Variants in SLC35F2 observed in about 807,000 individuals in gnomAD.
The protein encoded by SLC35F2 is queuine/queuosine transporter SLC35F2.
In SLC35F2, 25 loss-of-function variants were observed where a neutral mutation model predicts 38.1. The observed-to-expected ratio is 0.66, with a 90% CI of 0.48 to 0.92. The LOEUF (loss-of-function observed/expected upper bound fraction) is 0.92. SLC35F2 is among the 40% of genes least tolerant of loss of function. SLC35F2 has a pLI of 0.00. For missense variants in SLC35F2, 409 were observed against 452.9 expected (o/e 0.90, Z 0.88); for synonymous variants, 173 against 181.7 (o/e 0.95, Z 0.38).
intron 6 of SLC35F2, chr11:107,803,475 C>T: frequency 1.0e-6 from 1 of 983,728 alleles, no homozygotes; most frequent in Non-Finnish European, 1.2e-6. Context: ...ACAGCGATGC[C>T]TGTGATAAAA....
chr11:107,806,858 T>C lies in SLC35F2; in HGVS notation c.433A>G (p.Ile145Val). The C allele has an allele frequency of 6.2e-7, 1 of 1,613,592 alleles. No individual in the cohort carries two copies. Among genetic ancestry groups the C allele is most frequent in the East Asian group, 2.2e-5 (1 of 44,854 alleles). Residue 145 changes from isoleucine to valine, a missense_variant, in exon 4 of 8, where the codon ATT (isoleucine) becomes GTT (valine). Transcript: ENST00000525815. Reference protein sequence around the residue: ...TSVQLLDCFGIPVLMALSWFI... With the variant: ...TSVQLLDCFGVPVLMALSWFI... The stretch of plus-strand genomic sequence containing the variant: ...CATGACAGAGCCATCAACACAGGAA[T>C]CCCAAAGCAATCCAAAAGCTGCATG...
At chr11:107,821,526 C>T (rs73001566) in intron 1 of SLC35F2, 32,835 of 985,252 alleles carry the variant, frequency 0.033, 704 homozygotes, top group African/African-American at 0.095. Context: ...AACTTATAGA[C>T]ACTGAAGGCC....
intron 1 of SLC35F2, chr11:107,816,337 A>T: frequency 2.1e-6 from 2 of 963,968 alleles, no homozygotes; most frequent in Non-Finnish European, 2.5e-6. Flanking sequence ...GCTAGAGTGC[A>T]GTGGTGCAAT....
At chr11:107,817,446 C>T (rs1859592882) in intron 1 of SLC35F2, among the ~76,000 whole-genome samples, 1 of 152,144 alleles carries the variant, frequency 6.6e-6, no homozygotes, top group Non-Finnish European at 1.5e-5. Flanking sequence ...GAAACTTTTT[C>T]TAAGCATTCT....
chr11:107,853,577 G>A (rs1325865108), intron 1 of SLC35F2, among the ~76,000 whole-genome samples: 6 of 151,844 alleles, frequency 4.0e-5, no homozygotes, highest in Admixed American at 2.0e-4. Flanking sequence ...AAAATTAGCC[G>A]GGCGTGGTGG....
At chr11:107,835,497 C>A (rs1447315232) in intron 1 of SLC35F2, among the ~76,000 whole-genome samples, 1 of 151,758 alleles carries the variant, frequency 6.6e-6, no homozygotes, top group African/African-American at 2.4e-5. Context: ...AGCGCAGTGG[C>A]ATAATCAGGG....
intron 1 of SLC35F2, among the ~76,000 whole-genome samples, chr11:107,818,072 A>AAAGAAAGAAAGAAAG (rs1555084050): frequency 1.8e-4 from 12 of 68,470 alleles, no homozygotes; most frequent in South Asian, 6.3e-4. Context: ...AAAAAAAAAA[A>AAAGAAAGAAAGAAAG]AAAGAAAGAA....
chr11:107,814,266 G>A (rs949704565), intron 2 of SLC35F2, among the ~76,000 whole-genome samples: 2 of 152,016 alleles, frequency 1.3e-5, no homozygotes, highest in African/African-American at 2.4e-5. Context: ...TCAGGAGTTC[G>A]AGACCAGTCT....
At position 107,792,436 on chromosome 11, in the gene SLC35F2, C is replaced by CTATT. The variant is rs1484404841; in HGVS notation, c.*175_*178dup. The CTATT allele has an allele frequency of 1.6e-5, 11 of 666,790 alleles. No individual in the cohort carries two copies. The Admixed American group carries it at 2.0e-4, about 12-fold the overall frequency. The allele number at this position is 666,790 out of a possible 1,614,324, so 41.3% of individuals were successfully genotyped here. On this transcript the variant is annotated 3_prime_UTR_variant, in exon 8 of 8. Coordinates refer to ENST00000525815, the MANE Select transcript of SLC35F2 (RefSeq NM_017515.5). ...ACACACTCTTAGCTTGGTTTCTGCT[C>CTATT]TATTTTGGTATTTCTACTTTTGAAC...
intron 1 of SLC35F2, among the ~76,000 whole-genome samples, chr11:107,841,558 C>CAAAAAAAAAAAAAAAAAAAAAAAAAA (rs59699944): frequency 1.0e-5 from 1 of 95,518 alleles, no homozygotes; most frequent in Non-Finnish European, 2.1e-5. Flanking sequence ...GACTCCAACT[C>CAAAAAAAAAAAAAAAAAAAAAAAAAA]AAAAAAAAAA....
At chr11:107,839,695 C>G (rs1402851718) in intron 1 of SLC35F2, among the ~76,000 whole-genome samples, 1 of 152,116 alleles carries the variant, frequency 6.6e-6, no homozygotes, top group African/African-American at 2.4e-5. Flanking sequence ...CTCTTGTAGC[C>G]CAGGATGGAT....
At chr11:107,829,176 T>C (rs1859798191) in intron 1 of SLC35F2, among the ~76,000 whole-genome samples, 1 of 151,016 alleles carries the variant, frequency 6.6e-6, no homozygotes, top group African/African-American at 2.4e-5. Flanking sequence ...CTCAGCACTT[T>C]GGAAGGCTGA....
intron 1 of SLC35F2, chr11:107,840,615 C>T (rs988818494): frequency 6.6e-6 from 1 of 152,154 alleles, no homozygotes; most frequent in African/African-American, 2.4e-5. Flanking sequence ...AATCAACTGG[C>T]ATGCAGCTGG....
chr11:107,836,573 T>C (rs1292207696), intron 1 of SLC35F2, among the ~76,000 whole-genome samples: 1 of 152,206 alleles, frequency 6.6e-6, no homozygotes, highest in East Asian at 1.9e-4. Flanking sequence ...GAGCTATAAC[T>C]ACAGAAGGCT....
rs1380111087 is a variant in SLC35F2, at chr11:107,833,726, CTT to C, written c.111-17763_111-17762del. On this transcript the variant is annotated intron_variant, in intron 1 of 7. Transcript: ENST00000525815. Reference sequence around the variant, plus strand: ...CCACACTCTGAGACGAATTAAGAGTCTTTTATTTAAGCCAGCAGCCAAAGAGA... The same window carrying C: ...CCACACTCTGAGACGAATTAAGAGTCTTATTTAAGCCAGCAGCCAAAGAGA... Among the ~76,000 whole-genome samples, 6 of 152,216 alleles carry C rather than the reference CTT, an allele frequency of 3.9e-5. No individual in the cohort carries two copies. In the South Asian group the frequency reaches 6.2e-4, roughly 16 times the overall value.
chr11:107,803,755 C>CT (rs1859352424), intron 6 of SLC35F2, among the ~76,000 whole-genome samples: 1 of 139,508 alleles, frequency 7.2e-6, no homozygotes, highest in African/African-American at 2.9e-5. Context: ...GCAACTACTT[C>CT]TTTAATCTCA....
intron 1 of SLC35F2, among the ~76,000 whole-genome samples, chr11:107,817,288 G>GAAAGAAAAGAAAAAA (rs575790552): frequency 6.7e-6 from 1 of 149,598 alleles, no homozygotes. Context: ...AGAAAGGAAA[G>GAAAGAAAAGAAAAAA]AAAGAAAAGA....
intron 1 of SLC35F2, among the ~76,000 whole-genome samples, chr11:107,844,307 T>C (rs973382640): frequency 6.6e-6 from 1 of 152,082 alleles, no homozygotes; most frequent in Non-Finnish European, 1.5e-5. Context: ...CACTAGCCAT[T>C]ATAGTATTAT....
intron 1 of SLC35F2, among the ~76,000 whole-genome samples, chr11:107,853,674 C>A (rs1449151787): frequency 7.0e-6 from 1 of 142,412 alleles, no homozygotes; most frequent in Non-Finnish European, 1.5e-5. Flanking sequence ...GAGCCGAGAT[C>A]GCGCCACTGC....
Sources: gnomAD v4.1 joint callset for allele counts (sites outside exome capture counted in the v4.1 genomes callset) on GRCh38, gnomAD v4.1.1 for gene constraint, MANE v1.5 for transcripts, NCBI Gene and HGNC (gene_info 2026-07-23, HGNC 2026-07-21) for gene names.